The following RBM10 variants were observed in gnomAD, a reference collection of about 807,000 sequenced individuals.
The protein encoded by RBM10 is RNA-binding protein 10.
RBM10 carries 1 observed loss-of-function variant against 84.9 expected under a neutral mutation model. The observed-to-expected ratio is 0.01, with a 90% CI of 0.00 to 0.06. The LOEUF is 0.06. Among genes scored for constraint, RBM10 ranks in the 10% least tolerant of loss-of-function variants. The pLI is 1.00. For missense variants in RBM10, 438 were observed against 839.0 expected (o/e 0.52, Z 5.90); for synonymous variants, 326 against 344.5 (o/e 0.95, Z 0.60).
chrX:47,162,321 A>G (rs1241180706), intron 2 of RBM10, among the ~76,000 whole-genome samples: 1 of 112,154 alleles, frequency 8.9e-6, no homozygotes, highest in Non-Finnish European at 1.9e-5. Flanking sequence ...TACCAGCAAT[A>G]TGAAAGTACC....
chrX:47,186,152 G>A lies in RBM10; in HGVS notation c.2518G>A (p.Gly840Ser), dbSNP rs1365868137. 1.5e-5 allele frequency: 18 copies of A among 1,211,929 alleles called. No individual in the cohort carries two copies. The highest frequency in any genetic ancestry group is 1.7e-5 in the Non-Finnish European group (15 of 895,586). The change falls in exon 22 of 24, where the codon GGC (glycine) becomes AGC (serine). Residue 840 changes from glycine to serine, a missense_variant. Gly to Ser is a moderately conservative substitution (Grantham distance 56). Coordinates refer to ENST00000377604, the MANE Select transcript of RBM10 (RefSeq NM_005676.5). The stretch of plus-strand genomic sequence containing the variant: ...AGAGCCCAAGAGGAGGAAGTACGGC[G>A]GCATATCCACAGCCTCTGTGTGAGT... ...PPEPKRRKYG[G>S]ISTASVDFEQ...
intron 6 of RBM10, among the ~76,000 whole-genome samples, chrX:47,176,225 C>G (rs1204555823): frequency 3.6e-5 from 4 of 110,743 alleles, no homozygotes; most frequent in Non-Finnish European, 7.6e-5. Flanking sequence ...CCCCACTGTC[C>G]GGCAAGCGTC....
At chrX:47,147,729 G>T (rs1602483860) in intron 2 of RBM10, among the ~76,000 whole-genome samples, 1 of 111,078 alleles carries the variant, frequency 9.0e-6, no homozygotes, top group African/African-American at 3.3e-5. Flanking sequence ...AGTACTCAGG[G>T]TGTCACAGGG....
chrX:47,161,795 G>A (rs1422312994), intron 2 of RBM10, among the ~76,000 whole-genome samples: 6 of 111,240 alleles, frequency 5.4e-5, no homozygotes, highest in Non-Finnish European at 7.5e-5. Flanking sequence ...TCCTCCCAAA[G>A]TGCTGGGATT....
At chrX:47,150,816 A>T (rs140873611) in intron 2 of RBM10, among the ~76,000 whole-genome samples, 1 of 111,845 alleles carries the variant, frequency 8.9e-6, no homozygotes, top group Non-Finnish European at 1.9e-5. Flanking sequence ...ATGGGGCTTT[A>T]TTATATATCA....
At position 47,185,595 on chromosome X, in the gene RBM10, C is replaced by A; in HGVS notation, c.2320C>A (p.Leu774Ile). The change falls in exon 20 of 24, where the codon CTC becomes ATC. Residue 774 changes from leucine (L) to isoleucine (I), a missense_variant. By Grantham distance (5) the Leu-to-Ile change is conservative. Transcript: ENST00000377604. Reference sequence around the variant, plus strand: ...ACGCCAGTTCCCCAGCAAAGAGGCGCTCATCCGGCACCAGCAGCTCTCAGG... The same window carrying A: ...ACGCCAGTTCCCCAGCAAAGAGGCGATCATCCGGCACCAGCAGCTCTCAGG... ...CRRQFPSKEA[L>I]IRHQQLSGLH... 1 of 1,206,102 alleles carries A rather than the reference C, an allele frequency of 8.3e-7. No individual in the cohort carries two copies. Among genetic ancestry groups the A allele is most frequent in the South Asian group, 1.8e-5 (1 of 55,935 alleles).
chrX:47,174,581 C>T (rs1321388124), intron 5 of RBM10, among the ~76,000 whole-genome samples: 6 of 111,759 alleles, frequency 5.4e-5, no homozygotes, highest in South Asian at 7.5e-4. Flanking sequence ...GAGCTGGGCC[C>T]GCCCTGGAGT....
chrX:47,174,045 G>T (rs1934919028), intron 5 of RBM10, among the ~76,000 whole-genome samples: 1 of 99,708 alleles, frequency 1.0e-5, no homozygotes, highest in South Asian at 4.7e-4. Context: ...GCCCCCCCAA[G>T]CCCCTCTCAT....
At chrX:47,182,442 G>A (rs1935621152) in intron 17 of RBM10, 116 bp downstream of exon 17, 2 of 1,019,505 alleles carry the variant, frequency 2.0e-6, no homozygotes, top group Non-Finnish European at 2.7e-6. Flanking sequence ...GTGGATGTGG[G>A]CAGTGACTGC....
In RBM10 at chrX:47,145,265, G is replaced by A; in HGVS notation, c.-346G>A. ...GAGCGCCGACTCCCTTCTCGTCGTC[G>A]CCATTTTGAGCTGGTGACTGTGGCC... is the stretch of plus-strand genomic sequence containing the variant. On this transcript the variant is annotated 5_prime_UTR_variant, in exon 1 of 24. Coordinates refer to ENST00000377604, the MANE Select transcript of RBM10 (RefSeq NM_005676.5). The A allele has an allele frequency of 2.0e-6, 1 of 502,554 alleles. No homozygotes were observed. Among genetic ancestry groups the A allele is most frequent in the Non-Finnish European group, 3.5e-6 (1 of 289,297 alleles). 41.4% of individuals were successfully genotyped at this position (502,554 alleles called of 1,213,427 possible). A position where few individuals can be genotyped will look rare whatever the true frequency, so the allele number is the denominator to read the frequency against.
At chrX:47,164,236 C>G (rs1428838701) in intron 2 of RBM10, among the ~76,000 whole-genome samples, 2 of 111,180 alleles carry the variant, frequency 1.8e-5, no homozygotes, top group Admixed American at 9.6e-5. Context: ...AATGGGAAAA[C>G]ATATTTGTAA....
chrX:47,154,440 TTTGTTTG>T (rs1407791325), intron 2 of RBM10, among the ~76,000 whole-genome samples: 1 of 105,627 alleles, frequency 9.5e-6, no homozygotes, highest in Non-Finnish European at 1.9e-5. Flanking sequence ...TCCTTTTTTT[TTTGTTTG>T]TTTGTTTGTT....
At position 47,176,699 on chromosome X, in the gene RBM10, C is replaced by T. The variant is rs182930805; in HGVS notation, c.663+113C>T. The T allele has an allele frequency of 6.3e-4, 712 of 1,123,393 alleles. No homozygotes were observed. In the African/African-American group the frequency reaches 0.012, roughly 19 times the overall value. The allele number at this position is 1,123,393 out of a possible 1,213,427, so 92.6% of individuals were successfully genotyped here. Reference sequence around the variant, plus strand: ...CCTCCATCTCTCCCCCTCCCCCAATCTCTCCTCTCCCTCTGTCTCTCTCTC... The same window carrying T: ...CCTCCATCTCTCCCCCTCCCCCAATTTCTCCTCTCCCTCTGTCTCTCTCTC... On this transcript the variant is annotated intron_variant, in intron 7 of 23. Transcript: ENST00000377604.
intron 2 of RBM10, among the ~76,000 whole-genome samples, chrX:47,148,274 G>A (rs1932465938): frequency 8.9e-6 from 1 of 112,651 alleles, no homozygotes; most frequent in Non-Finnish European, 1.9e-5. Context: ...ATCACCTAGT[G>A]TTATTCAGTC....
chrX:47,173,121 CG>C lies in RBM10; in HGVS notation c.433-6del. 1 of 1,212,169 alleles carries C rather than the reference CG, an allele frequency of 8.2e-7. No homozygotes were observed. The highest frequency in any genetic ancestry group is 1.1e-6 in the Non-Finnish European group (1 of 895,601). ...GAGCCTGCCCTACTCTGTATCTCCC[CG>C]TATAGATCCGTGGCCAGCTGCAGTC... is the stretch of plus-strand genomic sequence containing the variant. On this transcript the variant is annotated splice_region_variant and splice_polypyrimidine_tract_variant and intron_variant, in intron 4 of 23. Transcript: ENST00000377604.
In RBM10 at chrX:47,173,543, TCTC is replaced by T. The variant is rs781924165; in HGVS notation, c.502+349_502+351del. On this transcript the variant is annotated intron_variant, in intron 5 of 23. Transcript: ENST00000377604. Reference sequence around the variant, plus strand: ...ATACACTCCCTTCCCTCTCCTTTCTTCTCCTTCCTCTGCCCCTCACTTTCCCCC... The same window carrying T: ...ATACACTCCCTTCCCTCTCCTTTCTTCTTCCTCTGCCCCTCACTTTCCCCC... 1.1e-3 allele frequency among the ~76,000 whole-genome samples: 122 copies of T among 111,905 alleles called. 1 individual carries two copies. Among genetic ancestry groups the T allele is most frequent in the Non-Finnish European group, 1.7e-3 (91 of 53,002 alleles).
intron 17 of RBM10, among the ~76,000 whole-genome samples, chrX:47,183,821 C>T (rs939894344): frequency 2.7e-5 from 3 of 109,560 alleles, no homozygotes; most frequent in African/African-American, 3.3e-5. Flanking sequence ...CTCAGCCTCC[C>T]GAGTAGCTGG....
At position 47,145,289 on chromosome X, in the gene RBM10, C is replaced by A; in HGVS notation, c.-322C>A. 2 of 579,743 alleles carry A rather than the reference C, an allele frequency of 3.4e-6. No individual in the cohort carries two copies. Among genetic ancestry groups the A allele is most frequent in the Non-Finnish European group, 2.8e-6 (1 of 352,017 alleles). The allele number at this position is 579,743 out of a possible 1,213,427, so 47.8% of individuals were successfully genotyped here. On this transcript the variant is annotated 5_prime_UTR_variant, in exon 1 of 24. Transcript: ENST00000377604. ...CGCCATTTTGAGCTGGTGACTGTGGCCGGCTGGGAGTAGGCGGCAGTGAGT... is the reference window on the plus strand; with the variant it reads ...CGCCATTTTGAGCTGGTGACTGTGGACGGCTGGGAGTAGGCGGCAGTGAGT...
In RBM10 at chrX:47,186,656, A is replaced by G. The variant is rs868913808; in HGVS notation, c.*57A>G. The G allele has an allele frequency of 1.1e-5, 13 of 1,196,549 alleles. No homozygotes were observed. The highest frequency in any genetic ancestry group is 2.9e-4 in the Middle Eastern group (1 of 3,417). On this transcript the variant is annotated 3_prime_UTR_variant, in exon 24 of 24. Coordinates refer to ENST00000377604, the MANE Select transcript of RBM10 (RefSeq NM_005676.5). ...GGTGTCCATCCTGGGGCAGGGAAGG[A>G]CAGAGTGTTGGATGGCTGGGACGGG...
Sources: allele counts gnomAD v4.1 joint callset (sites outside exome capture counted in the v4.1 genomes callset), GRCh38; gene constraint gnomAD v4.1.1; transcripts MANE v1.5; gene names NCBI Gene and HGNC (gene_info 2026-07-23, HGNC 2026-07-21).